The following CDH13 variants were observed in gnomAD, a reference collection of about 807,000 sequenced individuals.
CDH13 encodes the protein cadherin-13.
A neutral mutation model predicts 63.8 loss-of-function variants in CDH13; 24 were observed. The observed-to-expected ratio is 0.38, with a 90% CI of 0.27 to 0.53. CDH13 has a LOEUF of 0.53. CDH13 is among the 20% of genes least tolerant of loss of function. The pLI, the probability that CDH13 is intolerant of heterozygous loss-of-function variation, is 0.85. For synonymous variants in CDH13, 503 were observed against 355.3 expected, an observed-to-expected ratio of 1.42 and a Z score of -4.67; for missense variants, 1,049 against 903.1, an observed-to-expected ratio of 1.16 and a Z score of -2.07.
intron 7 of CDH13, among the ~76,000 whole-genome samples, chr16:83,540,175 CT>C (rs1460474752): frequency 6.6e-6 from 1 of 151,656 alleles, no homozygotes; most frequent in East Asian, 1.9e-4. Context: ...AGCCACTCTC[CT>C]GCTTCAGCCT....
rs1350160073 is a variant in CDH13 at position 83,368,883 on chromosome 16, GTTAT to G, written c.781+23878_781+23881del. Among the ~76,000 whole-genome samples, 75 of 25,332 alleles carry G rather than the reference GTTAT, an allele frequency of 3.0e-3. 1 individual carries two copies. Among genetic ancestry groups the G allele is most frequent in the Non-Finnish European group, 4.0e-3 (48 of 12,032 alleles). 16.6% of individuals were successfully genotyped at this position (25,332 alleles called of 152,430 possible). On this transcript the variant is annotated intron_variant, in intron 6 of 13. Coordinates refer to ENST00000567109, the MANE Select transcript of CDH13 (RefSeq NM_001257.5). ...TTATGGCTGAGTAGTAGTATTCCAT[GTTAT>G]ATATATATATATATATATATATATA... is the stretch of plus-strand genomic sequence containing the variant.
At chr16:83,719,453 C>T (rs1598575351) in intron 10 of CDH13, among the ~76,000 whole-genome samples, 1 of 147,126 alleles carries the variant, frequency 6.8e-6, no homozygotes, top group African/African-American at 2.5e-5. Flanking sequence ...TCTCAGTAAA[C>T]GGTGGACACA....
chr16:83,520,811 C>G (rs1021102705), intron 7 of CDH13, among the ~76,000 whole-genome samples: 2 of 152,054 alleles, frequency 1.3e-5, no homozygotes, highest in African/African-American at 4.8e-5. Flanking sequence ...GGGACACCAG[C>G]CAGGGACAGG....
At chr16:83,478,585 A>C (rs1274747080) in intron 6 of CDH13, among the ~76,000 whole-genome samples, 1 of 152,228 alleles carries the variant, frequency 6.6e-6, no homozygotes, top group Non-Finnish European at 1.5e-5. Flanking sequence ...TAACTGGGCA[A>C]CCCAGGGAAG....
At chr16:83,711,211 C>T (rs991771767) in intron 10 of CDH13, among the ~76,000 whole-genome samples, 1 of 152,214 alleles carries the variant, frequency 6.6e-6, no homozygotes, top group African/African-American at 2.4e-5. Context: ...AGTCAATAGT[C>T]TGCCTACCTC....
chr16:82,728,994 A>G (rs748035540), intron 1 of CDH13, among the ~76,000 whole-genome samples: 1 of 152,020 alleles, frequency 6.6e-6, no homozygotes, highest in Non-Finnish European at 1.5e-5. Context: ...ATAAGAAGCA[A>G]CTCCTCATCT....
intron 1 of CDH13, among the ~76,000 whole-genome samples, chr16:82,809,193 T>A (rs891761583): frequency 1.3e-5 from 2 of 152,170 alleles, no homozygotes; most frequent in Admixed American, 6.5e-5. Flanking sequence ...TTCCTCATAC[T>A]GTCACCAGTG....
At chr16:83,565,491 A>G (rs1015638814) in intron 7 of CDH13, among the ~76,000 whole-genome samples, 1 of 148,874 alleles carries the variant, frequency 6.7e-6, no homozygotes, top group African/African-American at 2.5e-5. Flanking sequence ...CTCCTTGAGG[A>G]CATTTGGTGA....
chr16:82,681,290 G>C (rs1597307675), intron 1 of CDH13, among the ~76,000 whole-genome samples: 1 of 152,196 alleles, frequency 6.6e-6, no homozygotes, highest in Admixed American at 6.5e-5. Context: ...GAAATGTCCA[G>C]AATAGGCAAT....
chr16:83,222,255 A>G (rs2039721076), intron 5 of CDH13, among the ~76,000 whole-genome samples: 1 of 152,130 alleles, frequency 6.6e-6, no homozygotes. Context: ...TCAAGTTTTG[A>G]ATTTGTGGTC....
intron 10 of CDH13, among the ~76,000 whole-genome samples, chr16:83,701,705 C>G (rs1393366150): frequency 6.6e-6 from 1 of 152,170 alleles, no homozygotes; most frequent in African/African-American, 2.4e-5. Context: ...GACGTTACTA[C>G]GATCCAGCCC....
intron 6 of CDH13, among the ~76,000 whole-genome samples, chr16:83,425,105 C>T (rs940745479): frequency 6.6e-6 from 1 of 152,218 alleles, no homozygotes; most frequent in African/African-American, 2.4e-5. Flanking sequence ...GCTGTGATCC[C>T]ACCGTTTGTC....
At chr16:82,701,313 T>C (rs1408703070) in intron 1 of CDH13, among the ~76,000 whole-genome samples, 1 of 152,150 alleles carries the variant, frequency 6.6e-6, no homozygotes, top group African/African-American at 2.4e-5. Context: ...TGCCATGATC[T>C]CTTTTTCCAT....
chr16:83,569,846 C>G (rs1336285825), intron 7 of CDH13, among the ~76,000 whole-genome samples: 2 of 152,188 alleles, frequency 1.3e-5, no homozygotes, highest in Admixed American at 1.3e-4. Flanking sequence ...AAGTGATTCT[C>G]CTGCCTCAGC....
intron 2 of CDH13, among the ~76,000 whole-genome samples, chr16:82,985,094 G>T (rs1910766957): frequency 1.3e-5 from 2 of 152,188 alleles, no homozygotes; most frequent in Admixed American, 1.3e-4. Flanking sequence ...GTTGAATAAG[G>T]TCAGTAAGTA....
intron 11 of CDH13, among the ~76,000 whole-genome samples, chr16:83,749,994 T>C (rs1235294094): frequency 6.6e-6 from 1 of 152,160 alleles, no homozygotes; most frequent in Non-Finnish European, 1.5e-5. Flanking sequence ...AACATAGTCA[T>C]TTATAAGAAA....
At chr16:83,137,625 T>C (rs1006342044) in intron 4 of CDH13, among the ~76,000 whole-genome samples, 7 of 152,064 alleles carry the variant, frequency 4.6e-5, no homozygotes, top group African/African-American at 1.7e-4. Context: ...GGAATGAAAG[T>C]GAAAGCAGAA....
chr16:83,080,776 A>G, intron 3 of CDH13, among the ~76,000 whole-genome samples: 1 of 151,946 alleles, frequency 6.6e-6, no homozygotes, highest in South Asian at 2.1e-4. Flanking sequence ...TTATTACATG[A>G]ATAGTATGGG....
intron 5 of CDH13, among the ~76,000 whole-genome samples, chr16:83,221,092 T>G (rs2039686265): frequency 1.3e-5 from 2 of 152,234 alleles, no homozygotes; most frequent in Admixed American, 6.5e-5. Flanking sequence ...CCATATCCAT[T>G]TCTTTTCAGC....
Sources: allele counts gnomAD v4.1 joint callset (sites outside exome capture counted in the v4.1 genomes callset), GRCh38; gene constraint gnomAD v4.1.1; transcripts MANE v1.5; gene names NCBI Gene and HGNC (gene_info 2026-07-23, HGNC 2026-07-21).